LMOD1: variants seen among roughly 807,000 people sequenced by gnomAD.
The protein encoded by LMOD1 is leiomodin 1, also known as leiomodin-1.
LMOD1 carries 8 observed loss-of-function variants against 36.5 expected under a neutral mutation model. The observed-to-expected ratio is 0.22, with a 90% CI of 0.13 to 0.40. The LOEUF (loss-of-function observed/expected upper bound fraction) is 0.40. LMOD1 is among the 10% of genes least tolerant of loss of function. LMOD1 has a pLI of 1.00. For synonymous variants in LMOD1, 284 were observed against 288.7 expected (o/e 0.98, Z 0.17); for missense variants, 630 against 751.1 (o/e 0.84, Z 1.88).
At chr1:201,940,748 ATTTTTTT>A (rs34009358) in intron 1 of LMOD1, among the ~76,000 whole-genome samples, 1 of 125,248 alleles carries the variant, frequency 8.0e-6, no homozygotes, top group African/African-American at 3.1e-5. Context: ...CACGCCCAGC[ATTTTTTT>A]TTTTTTTTTT....
At chr1:201,910,274 ATTTTT>A (rs4025032) in intron 1 of LMOD1, among the ~76,000 whole-genome samples, 2 of 135,978 alleles carry the variant, frequency 1.5e-5, no homozygotes, top group African/African-American at 2.7e-5. Context: ...TCCTATACGC[ATTTTT>A]TTTTTTTTTT....
intron 1 of LMOD1, among the ~76,000 whole-genome samples, chr1:201,912,350 G>A (rs897100771): frequency 6.6e-6 from 1 of 152,050 alleles, no homozygotes; most frequent in Non-Finnish European, 1.5e-5. Context: ...TGTGCTTTGG[G>A]AAGTGACCCC....
chr1:201,908,517 A>G (rs910487311), intron 1 of LMOD1, among the ~76,000 whole-genome samples: 2 of 152,206 alleles, frequency 1.3e-5, no homozygotes, highest in Non-Finnish European at 2.9e-5. Context: ...GCTCCTGCCC[A>G]TACTGGAGCA....
chr1:201,942,345 C>T (rs1337763510), intron 1 of LMOD1, among the ~76,000 whole-genome samples: 4 of 152,156 alleles, frequency 2.6e-5, no homozygotes, highest in Non-Finnish European at 4.4e-5. Context: ...GGTATTGGAG[C>T]GCTCAGACAA....
intron 1 of LMOD1, among the ~76,000 whole-genome samples, chr1:201,920,724 C>T (rs1024755970): frequency 1.3e-5 from 2 of 152,084 alleles, no homozygotes; most frequent in Admixed American, 1.3e-4. Flanking sequence ...CAGGACCCAG[C>T]GAATATAGAA....
intron 1 of LMOD1, among the ~76,000 whole-genome samples, chr1:201,928,740 G>C (rs1158860322): frequency 1.3e-5 from 2 of 152,184 alleles, no homozygotes; most frequent in African/African-American, 4.8e-5. Flanking sequence ...TATTGAGACA[G>C]AGTCTCCCTC....
At chr1:201,938,602 A>C (rs1230313836) in intron 1 of LMOD1, among the ~76,000 whole-genome samples, 1 of 152,092 alleles carries the variant, frequency 6.6e-6, no homozygotes, top group African/African-American at 2.4e-5. Context: ...TTCCCTGGGA[A>C]TTTCTGCCTG....
At chr1:201,920,305 C>A (rs1681682716) in intron 1 of LMOD1, among the ~76,000 whole-genome samples, 1 of 152,016 alleles carries the variant, frequency 6.6e-6, no homozygotes, top group Non-Finnish European at 1.5e-5. Context: ...GACGATCCGC[C>A]CGCCTCAGCC....
chr1:201,916,915 G>A (rs1368782031), intron 1 of LMOD1, among the ~76,000 whole-genome samples: 1 of 152,190 alleles, frequency 6.6e-6, no homozygotes, highest in South Asian at 2.1e-4. Flanking sequence ...TGATCTCCAG[G>A]GGTCGGAGTG....
rs376636724 is a variant in LMOD1, at chr1:201,924,457, G to A, written c.261+21623C>T. Among the ~76,000 whole-genome samples, 259 of 70,946 alleles carry A rather than the reference G, an allele frequency of 3.7e-3. 3 individuals carry two copies. The highest frequency in any genetic ancestry group is 0.016 in the Middle Eastern group (2 of 122). The allele number at this position is 70,946 out of a possible 152,430, so 46.5% of individuals were successfully genotyped here. On this transcript the variant is annotated intron_variant, in intron 1 of 2. Transcript: ENST00000367288. ...GGAAGGAAGCAAGGAAGGAGGGAGG[G>A]AGGGAAGGAAGGAAGGAAGGAAGCA... is the stretch of plus-strand genomic sequence containing the variant.
At chr1:201,925,828 C>T (rs1029458393) in intron 1 of LMOD1, among the ~76,000 whole-genome samples, 1 of 152,082 alleles carries the variant, frequency 6.6e-6, no homozygotes, top group East Asian at 1.9e-4. Flanking sequence ...CCTCAGTTTC[C>T]CAAGTAGCTG....
At chr1:201,923,798 G>A (rs1159694677) in intron 1 of LMOD1, among the ~76,000 whole-genome samples, 2 of 151,838 alleles carry the variant, frequency 1.3e-5, no homozygotes, top group African/African-American at 2.4e-5. Flanking sequence ...CCTAGAAGTC[G>A]AGGTCGCCTT....
chr1:201,908,236 G>A (rs1378768503), intron 1 of LMOD1, among the ~76,000 whole-genome samples: 2 of 152,070 alleles, frequency 1.3e-5, no homozygotes, highest in East Asian at 1.9e-4. Flanking sequence ...ACCTGCTTCC[G>A]CTACTTCAAA....
intron 1 of LMOD1, among the ~76,000 whole-genome samples, chr1:201,925,212 CAAAAAAAAAAGA>C (rs915639715): frequency 1.5e-5 from 2 of 130,952 alleles, no homozygotes; most frequent in Non-Finnish European, 3.3e-5. Context: ...AACTCCAGCT[CAAAAAAAAAAGA>C]AAAAAAAAAA....
chr1:201,945,996 A>AG (rs1682204510), intron 1 of LMOD1, 84 bp downstream of exon 1: 2 of 1,372,930 alleles, frequency 1.5e-6, no homozygotes, highest in South Asian at 2.7e-5. Flanking sequence ...GTTTCTTCTA[A>AG]GGAAGGAAGC....
At chr1:201,918,914 A>G (rs1681652470) in intron 1 of LMOD1, among the ~76,000 whole-genome samples, 1 of 152,110 alleles carries the variant, frequency 6.6e-6, no homozygotes. Context: ...TTTTTTAGGG[A>G]CAGGGTCTCA....
rs540689550 is a variant in LMOD1, at chr1:201,946,427, G to T, written c.-87C>A. ...AGGGGTGAGCTGATCTGGATGCAGC[G>T]AGTGGGCTGAGGAGCAAACCTCCTG... On this transcript the variant is annotated 5_prime_UTR_variant, in exon 1 of 3. Transcript: ENST00000367288. 1.4e-6 allele frequency: 2 copies of T among 1,415,042 alleles called. No individual in the cohort carries two copies. The highest frequency in any genetic ancestry group is 2.3e-5 in the East Asian group (1 of 42,944). 87.7% of individuals were successfully genotyped at this position (1,415,042 alleles called of 1,614,324 possible).
At position 201,901,572 on chromosome 1, in the gene LMOD1, A is replaced by G. The variant is rs1401905720; in HGVS notation, c.262-821T>C. ...TATATACATATATATATGTATATATATATATATATATACATATATATATGT... is the reference window on the plus strand; with the variant it reads ...TATATACATATATATATGTATATATGTATATATATATACATATATATATGT... On this transcript the variant is annotated intron_variant, in intron 1 of 2. Coordinates refer to ENST00000367288, the MANE Select transcript of LMOD1 (RefSeq NM_012134.3). Among the ~76,000 whole-genome samples the G allele has an allele frequency of 2.7e-4, 9 of 33,548 alleles. 1 individual carries two copies. Among genetic ancestry groups the G allele is most frequent in the East Asian group, 1.4e-3 (1 of 692 alleles). 22.0% of individuals were successfully genotyped at this position (33,548 alleles called of 152,430 possible).
At chr1:201,906,768 C>T (rs1010718604) in intron 1 of LMOD1, among the ~76,000 whole-genome samples, 1 of 152,152 alleles carries the variant, frequency 6.6e-6, no homozygotes. Context: ...AGTGGCTGAC[C>T]CCTGTAATCC....
Sources: gnomAD v4.1 joint callset for allele counts (sites outside exome capture counted in the v4.1 genomes callset) on GRCh38, gnomAD v4.1.1 for gene constraint, MANE v1.5 for transcripts, NCBI Gene and HGNC (gene_info 2026-07-23, HGNC 2026-07-21) for gene names.